Variants in CAPRIN1 observed in about 807,000 individuals in gnomAD.
The protein encoded by CAPRIN1 is cell cycle associated protein 1, also known as caprin-1.
CAPRIN1 carries 29 observed loss-of-function variants against 100.9 expected under a neutral mutation model. The ratio of observed to expected loss-of-function variants is 0.29; its 90% CI spans 0.21 to 0.39. The LOEUF is 0.39. CAPRIN1 is among the 10% of genes least tolerant of loss of function. The pLI is 1.00. For synonymous variants in CAPRIN1, 338 were observed against 307.5 expected, an observed-to-expected ratio of 1.10 and a Z score of -1.04; for missense variants, 795 against 876.7, an observed-to-expected ratio of 0.91 and a Z score of 1.18.
intron 2 of CAPRIN1, chr11:34,053,082 G>C (rs1850364652): frequency 3.9e-6 from 4 of 1,025,614 alleles, no homozygotes; most frequent in African/African-American, 3.5e-5. Flanking sequence ...GGGGCGGCCT[G>C]CGTCCTGCAG....
intron 6 of CAPRIN1, among the ~76,000 whole-genome samples, chr11:34,076,858 C>T (rs1693933904): frequency 6.6e-6 from 1 of 151,970 alleles, no homozygotes; most frequent in African/African-American, 2.4e-5. Flanking sequence ...CCTCATCCTC[C>T]CAAGTAGCTG....
At chr11:34,058,590 G>C (rs760600869) in intron 2 of CAPRIN1, among the ~76,000 whole-genome samples, 2 of 152,180 alleles carry the variant, frequency 1.3e-5, no homozygotes, top group African/African-American at 4.8e-5. Flanking sequence ...AAAGAAAAAT[G>C]CTTTCCATTT....
rs770990471 is a variant in CAPRIN1 at position 34,102,287 on chromosome 11, G to A, written c.*2920G>A. On this transcript the variant is annotated 3_prime_UTR_variant, in exon 19 of 19. Transcript: ENST00000341394. ...AGGACATTTGTTCATTATATTTTCC[G>A]TCATATAACTAGAGGAAGTGGAATG... Among the ~76,000 whole-genome samples, 33 of 152,066 alleles carry A rather than the reference G, an allele frequency of 2.2e-4. No homozygotes were observed. The highest frequency in any genetic ancestry group is 2.6e-4 in the Admixed American group (4 of 15,266).
chr11:34,088,329 T>C (rs1264315415), intron 11 of CAPRIN1, among the ~76,000 whole-genome samples: 1 of 152,100 alleles, frequency 6.6e-6, no homozygotes, highest in Non-Finnish European at 1.5e-5. Context: ...AAATTTTCTT[T>C]TTCTCTAGAA....
At chr11:34,099,263 ATAT>A in intron 18 of CAPRIN1, 37 bp from the exon 19 acceptor site, 1 of 1,607,202 alleles carries the variant, frequency 6.2e-7, no homozygotes, top group Non-Finnish European at 8.5e-7. Flanking sequence ...AAAACAAATA[ATAT>A]TTGAAAGAAA....
chr11:34,060,695 TC>T (rs2134088160), intron 2 of CAPRIN1, among the ~76,000 whole-genome samples: 1 of 152,340 alleles, frequency 6.6e-6, no homozygotes, highest in Admixed American at 6.5e-5. Context: ...CTATAGATGA[TC>T]CATGGCAGCT....
intron 5 of CAPRIN1, 36 bp downstream of exon 5, chr11:34,076,510 A>G (rs773407476): frequency 4.4e-5 from 71 of 1,604,648 alleles, no homozygotes; most frequent in Admixed American, 5.0e-5. Flanking sequence ...ACTTCTGAGT[A>G]TTTAAGTTGA....
chr11:34,070,039 G>A (rs1850779102), intron 2 of CAPRIN1, among the ~76,000 whole-genome samples: 1 of 152,098 alleles, frequency 6.6e-6, no homozygotes, highest in Admixed American at 6.5e-5. Flanking sequence ...TGGTAAGGGG[G>A]TAAGGAACTA....
In CAPRIN1 at chr11:34,096,649, C is replaced by T. The variant is rs748363218; in HGVS notation, c.1876C>T (p.Arg626Trp). 3.1e-6 allele frequency: 5 copies of T among 1,602,354 alleles called. No homozygotes were observed. The highest frequency in any genetic ancestry group is 1.1e-5 in the South Asian group (1 of 90,622). ...TGCTAGAGGCTTGATGAATGGATACCGGGGCCCTGCCAATGGATTCAGAGG... is the reference window on the plus strand; with the variant it reads ...TGCTAGAGGCTTGATGAATGGATACTGGGGCCCTGCCAATGGATTCAGAGG... ...RGARGLMNGY[R>W]GPANGFRGGY... The change falls in exon 16 of 19, where the codon CGG (arginine) becomes TGG (tryptophan). Residue 626 changes from arginine to tryptophan, a missense_variant. Physicochemically the swap from Arg to Trp is moderately radical, Grantham distance 101. This residue lies in a region of CAPRIN1 where 648 missense variants were observed against 697.9 expected (regional missense o/e 0.93). Transcript: ENST00000341394.
chr11:34,094,984 G>A (rs960286442), intron 15 of CAPRIN1, among the ~76,000 whole-genome samples: 1 of 152,048 alleles, frequency 6.6e-6, no homozygotes, highest in African/African-American at 2.4e-5. Context: ...CCAGGCTTAA[G>A]CCATCCTCTC....
chr11:34,075,871 TG>T (rs1188323337), intron 4 of CAPRIN1, among the ~76,000 whole-genome samples: 1 of 152,228 alleles, frequency 6.6e-6, no homozygotes, highest in Non-Finnish European at 1.5e-5. Flanking sequence ...TGAAACTCTT[TG>T]TACCTGTACC....
intron 18 of CAPRIN1, chr11:34,099,032 A>G: frequency 2.3e-6 from 3 of 1,332,596 alleles, no homozygotes; most frequent in Non-Finnish European, 2.9e-6. Context: ...CATAGTAGGC[A>G]CTCAATAAAT....
At chr11:34,084,928 A>G (rs1180207777) in intron 9 of CAPRIN1, among the ~76,000 whole-genome samples, 2 of 151,920 alleles carry the variant, frequency 1.3e-5, no homozygotes, top group Admixed American at 1.3e-4. Context: ...CCACTGTGCC[A>G]GTGTGGTTTG....
At position 34,080,941 on chromosome 11, in the gene CAPRIN1, C is replaced by G. The variant is rs199513249; in HGVS notation, c.826+1176C>G. 7.2e-5 allele frequency among the ~76,000 whole-genome samples: 11 copies of G among 152,174 alleles called. No individual in the cohort carries two copies. In the East Asian group the frequency reaches 2.1e-3, roughly 29 times the overall value. ...TCTTTTTCCCCCTCTTACCACTTTA[C>G]TAAGTAAAGTAAGATTTTTAATCTG... On this transcript the variant is annotated intron_variant, in intron 7 of 18. Transcript: ENST00000341394.
chr11:34,099,516 A>T lies in CAPRIN1; in HGVS notation c.*149A>T, dbSNP rs575973278. ...TTCATCCCATAAAGACAGGACTACA[A>T]TTGTCAGCTTTCTATTACCTGGATA... On this transcript the variant is annotated 3_prime_UTR_variant, in exon 19 of 19. Coordinates refer to ENST00000341394, the MANE Select transcript of CAPRIN1 (RefSeq NM_005898.5). 3.0e-6 allele frequency: 2 copies of T among 666,150 alleles called. No homozygotes were observed. Among genetic ancestry groups the T allele is most frequent in the Non-Finnish European group, 5.3e-6 (2 of 377,034 alleles). The allele number at this position is 666,150 out of a possible 1,614,324, so 41.3% of individuals were successfully genotyped here. A position where few individuals can be genotyped will look rare whatever the true frequency, so the allele number is the denominator to read the frequency against.
chr11:34,064,741 T>G (rs904143534), intron 2 of CAPRIN1, among the ~76,000 whole-genome samples: 22 of 152,254 alleles, frequency 1.4e-4, no homozygotes, highest in African/African-American at 5.3e-4. Flanking sequence ...GTGGTATGCC[T>G]TTGTTTTTTC....
rs182803045 is a variant in CAPRIN1 at position 34,056,005 on chromosome 11, A to G, written c.216+3369A>G. ...AATCCTTTTTATATTTAGATGATTTACTTGTGAGAAGACTTAACTGTTTTT... is the reference window on the plus strand; with the variant it reads ...AATCCTTTTTATATTTAGATGATTTGCTTGTGAGAAGACTTAACTGTTTTT... On this transcript the variant is annotated intron_variant, in intron 2 of 18. Coordinates refer to ENST00000341394, the MANE Select transcript of CAPRIN1 (RefSeq NM_005898.5). 3.9e-5 allele frequency among the ~76,000 whole-genome samples: 6 copies of G among 152,352 alleles called. No homozygotes were observed. In the East Asian group the frequency reaches 1.2e-3, roughly 29 times the overall value.
intron 15 of CAPRIN1, 100 bp downstream of exon 15, chr11:34,092,156 T>C: frequency 4.9e-6 from 6 of 1,236,772 alleles, no homozygotes; most frequent in Non-Finnish European, 6.7e-6. Context: ...GTCCAAGAGT[T>C]TCTGTTTTAG....
intron 18 of CAPRIN1, chr11:34,098,136 C>A: frequency 1.0e-6 from 1 of 1,002,908 alleles, no homozygotes; most frequent in South Asian, 4.2e-5. Context: ...ATTTATTATT[C>A]CTCTTTCATT....
Sources: gnomAD v4.1 joint callset for allele counts (sites outside exome capture counted in the v4.1 genomes callset) on GRCh38, gnomAD v4.1.1 for gene constraint, gnomAD v4.1.1 regional missense constraint, MANE v1.5 for transcripts, NCBI Gene and HGNC (gene_info 2026-07-23, HGNC 2026-07-21) for gene names.